The following PCDHGB5 variants were observed in gnomAD, a reference collection of about 807,000 sequenced individuals.
PCDHGB5 encodes the protein protocadherin gamma-B5.
A neutral mutation model predicts 62.9 loss-of-function variants in PCDHGB5; 48 were observed. The observed-to-expected ratio is 0.76, with a 90% CI of 0.61 to 0.97. PCDHGB5 has a LOEUF of 0.97. Ranked by LOEUF, PCDHGB5 falls within the 50% of genes least tolerant of loss-of-function variation. The pLI, the probability that PCDHGB5 is intolerant of heterozygous loss-of-function variation, is 0.00. For synonymous variants in PCDHGB5, 474 were observed against 511.2 expected (o/e 0.93, Z 0.98); for missense variants, 1,118 against 1,198.6 (o/e 0.93, Z 0.99).
At chr5:141,505,599 G>T in intron 3 of PCDHGB5, 118 bp downstream of exon 3, 1 of 1,555,586 alleles carries the variant, frequency 6.4e-7, no homozygotes, top group Non-Finnish European at 8.7e-7. Context: ...CAGATCTTTC[G>T]GCAGGTCTGA....
chr5:141,476,864 C>T lies in PCDHGB5; in HGVS notation c.2398-17943C>T, dbSNP rs1318457627. ...GCCTGTCTTCAACCAGTCCTTGTAC[C>T]GGGCGCGCGTCCTGGAGGATGCACC... is the stretch of plus-strand genomic sequence containing the variant. On this transcript the variant is annotated intron_variant, in intron 1 of 3. Coordinates refer to ENST00000617380, the MANE Select transcript of PCDHGB5 (RefSeq NM_018925.3). This position sits in a 1 kb window ranked among gnomAD's most constrained non-coding sequence, Gnocchi z 7.6. 4.3e-6 allele frequency: 7 copies of T among 1,613,838 alleles called. No homozygotes were observed. Among genetic ancestry groups the T allele is most frequent in the Non-Finnish European group, 5.9e-6 (7 of 1,180,044 alleles).
intron 1 of PCDHGB5, chr5:141,410,485 A>C (rs1277289074): frequency 6.2e-7 from 1 of 1,613,898 alleles, no homozygotes; most frequent in Admixed American, 1.7e-5. Context: ...ATACGGGTAC[A>C]AAAGAGTTTA....
At chr5:141,470,306 T>C (rs2099227644) in intron 1 of PCDHGB5, among the ~76,000 whole-genome samples, 1 of 152,222 alleles carries the variant, frequency 6.6e-6, no homozygotes, top group South Asian at 2.1e-4. Flanking sequence ...TTATTCCATT[T>C]TTCCTCAAAT....
chr5:141,428,508 T>G, intron 1 of PCDHGB5: 1 of 279,550 alleles, frequency 3.6e-6, no homozygotes, highest in South Asian at 4.0e-5. Flanking sequence ...CCTCGGATTC[T>G]AGAAAAAGAA....
At chr5:141,411,982 A>T (rs2154543855) in intron 1 of PCDHGB5, 1 of 152,346 alleles carries the variant, frequency 6.6e-6, no homozygotes, top group East Asian at 1.9e-4. Context: ...AGAGTTCTAT[A>T]CTTGGAAGGC....
In PCDHGB5 at chr5:141,477,854, C is replaced by G; in HGVS notation, c.2398-16953C>G. 3.1e-6 allele frequency: 5 copies of G among 1,614,098 alleles called. No individual in the cohort carries two copies. Among genetic ancestry groups the G allele is most frequent in the Non-Finnish European group, 4.2e-6 (5 of 1,180,004 alleles). ...GCCAGGTGGGAGCTCGGTGGAGATG[C>G]TGCCTCGAGGTACCTCAGCTGGCCA... On this transcript the variant is annotated intron_variant, in intron 1 of 3. Transcript: ENST00000617380. This position sits in a 1 kb window ranked among gnomAD's most constrained non-coding sequence, Gnocchi z 4.9.
chr5:141,405,822 T>C (rs1055689569), intron 1 of PCDHGB5, among the ~76,000 whole-genome samples: 2 of 151,888 alleles, frequency 1.3e-5, no homozygotes, highest in African/African-American at 4.8e-5. Flanking sequence ...CTGTCTGTAC[T>C]TAAGGTAGTA....
intron 1 of PCDHGB5, chr5:141,441,650 G>C (rs932742795): frequency 8.4e-6 from 2 of 238,510 alleles, no homozygotes; most frequent in African/African-American, 2.4e-5. Context: ...TGTGATTCTA[G>C]GTGTCCTTGA....
At chr5:141,457,289 G>C (rs907200077) in intron 1 of PCDHGB5, among the ~76,000 whole-genome samples, 2 of 152,146 alleles carry the variant, frequency 1.3e-5, no homozygotes, top group African/African-American at 4.8e-5. Flanking sequence ...GAAGTTCCTT[G>C]GTTTTATTTT....
chr5:141,441,327 C>T (rs973149197), intron 1 of PCDHGB5: 2 of 152,196 alleles, frequency 1.3e-5, no homozygotes, highest in Admixed American at 6.5e-5. Flanking sequence ...AAAAATCTTC[C>T]TCCAATAATT....
intron 1 of PCDHGB5, chr5:141,424,133 T>C: frequency 2.2e-6 from 1 of 450,350 alleles, no homozygotes; most frequent in South Asian, 9.6e-5. Flanking sequence ...GTTGATTTAA[T>C]AGCATGCTCC....
chr5:141,409,217 G>T (rs1394491727), intron 1 of PCDHGB5: 3 of 1,613,852 alleles, frequency 1.9e-6, no homozygotes, highest in Non-Finnish European at 2.5e-6. Flanking sequence ...AGAAATCCTT[G>T]ATGAAAACGA....
Position 141,432,878 on chromosome 5 carries a change from TTCGTCA to T in PCDHGB5, c.2397+32357_2397+32362del. 6.2e-7 allele frequency: 1 copy of T among 1,614,178 alleles called. No individual in the cohort carries two copies. The highest frequency in any genetic ancestry group is 1.7e-5 in the Admixed American group (1 of 60,036). Reference sequence around the variant, plus strand: ...CGCGGTCTCCTGCGTCTTCCTGGCCTTCGTCATCTTGCTGCTGGCGCTCAGGCTGCG... The same window carrying T: ...CGCGGTCTCCTGCGTCTTCCTGGCCTTCTTGCTGCTGGCGCTCAGGCTGCG... On this transcript the variant is annotated intron_variant, in intron 1 of 3. Transcript: ENST00000617380. This position sits in a 1 kb window ranked among gnomAD's most constrained non-coding sequence, Gnocchi z 6.0.
At chr5:141,505,323 G>C in intron 2 of PCDHGB5, 70 bp from the exon 3 acceptor site, 1 of 1,606,758 alleles carries the variant, frequency 6.2e-7, no homozygotes, top group South Asian at 1.1e-5. Flanking sequence ...GGGAGCCCTG[G>C]GAGAGGACAG....
At chr5:141,409,063 C>A (rs988950366) in intron 1 of PCDHGB5, 2 of 1,613,860 alleles carry the variant, frequency 1.2e-6, no homozygotes, top group African/African-American at 2.7e-5. Flanking sequence ...CTGCCCAGAG[C>A]ACAAAACATA....
chr5:141,502,862 C>T (rs2099816351), intron 2 of PCDHGB5, among the ~76,000 whole-genome samples: 1 of 68,558 alleles, frequency 1.5e-5, no homozygotes, highest in African/African-American at 1.0e-4. Context: ...CCCTGACTCT[C>T]TGTCTTTTTT....
chr5:141,476,061 C>T lies in PCDHGB5; in HGVS notation c.2398-18746C>T. On this transcript the variant is annotated intron_variant, in intron 1 of 3. Coordinates refer to ENST00000617380, the MANE Select transcript of PCDHGB5 (RefSeq NM_018925.3). The surrounding 1 kb of genome is among the most constrained non-coding windows in gnomAD (Gnocchi z 7.6). Reference sequence around the variant, plus strand: ...AAGCGCTAACCCGCTGAAAGTTTCTCAGCGAAATCTCAGGGACGATCTGGA... The same window carrying T: ...AAGCGCTAACCCGCTGAAAGTTTCTTAGCGAAATCTCAGGGACGATCTGGA... The T allele has an allele frequency of 6.6e-7, 1 of 1,508,880 alleles. No homozygotes were observed. Among genetic ancestry groups the T allele is most frequent in the Non-Finnish European group, 8.8e-7 (1 of 1,136,354 alleles). 93.5% of individuals were successfully genotyped at this position (1,508,880 alleles called of 1,614,324 possible).
At chr5:141,462,540 TTTC>T (rs2099042260) in intron 1 of PCDHGB5, among the ~76,000 whole-genome samples, 1 of 152,204 alleles carries the variant, frequency 6.6e-6, no homozygotes, top group East Asian at 1.9e-4. Flanking sequence ...TCAGTGATCT[TTTC>T]TTCTTCAGTG....
Position 141,490,192 on chromosome 5 carries a change from A to C in PCDHGB5, c.2398-4615A>C. 1 of 1,614,182 alleles carries C rather than the reference A, an allele frequency of 6.2e-7. No homozygotes were observed. Among genetic ancestry groups the C allele is most frequent in the South Asian group, 1.1e-5 (1 of 91,082 alleles). On this transcript the variant is annotated intron_variant, in intron 1 of 3. Coordinates refer to ENST00000617380, the MANE Select transcript of PCDHGB5 (RefSeq NM_018925.3). The surrounding 1 kb of genome is among the most constrained non-coding windows in gnomAD (Gnocchi z 5.4). Reference sequence around the variant, plus strand: ...CTTTGAGGAGTCACGTTTCTATGAAATTCATGCAAGAGCCCGTGACCAGGG... The same window carrying C: ...CTTTGAGGAGTCACGTTTCTATGAACTTCATGCAAGAGCCCGTGACCAGGG...
Sources: allele counts gnomAD v4.1 joint callset (sites outside exome capture counted in the v4.1 genomes callset), GRCh38; gene constraint gnomAD v4.1.1; non-coding constraint Gnocchi (gnomAD v3.1); transcripts MANE v1.5; gene names NCBI Gene and HGNC (gene_info 2026-07-23, HGNC 2026-07-21).